The following NEBL variants were observed in gnomAD, a reference collection of about 807,000 sequenced individuals.
NEBL encodes LIM and SH3 protein 2.
In NEBL, 122 loss-of-function variants were observed where a neutral mutation model predicts 140.2. The ratio of observed to expected loss-of-function variants is 0.87; its 90% CI spans 0.75 to 1.01. NEBL has a LOEUF of 1.01. NEBL is among the 50% of genes least tolerant of loss of function. The pLI, the probability that NEBL is intolerant of heterozygous loss-of-function variation, is 0.00. For missense variants in NEBL, 1,365 were observed against 1,231.3 expected (o/e 1.11, Z -1.62); for synonymous variants, 436 against 398.9 (o/e 1.09, Z -1.11).
At chr10:21,246,501 G>C (rs1003426568) in intron 3 of NEBL, among the ~76,000 whole-genome samples, 1 of 151,510 alleles carries the variant, frequency 6.6e-6, no homozygotes, top group African/African-American at 2.4e-5. Flanking sequence ...TTTTTAATTG[G>C]GCCAGGCACA....
At chr10:21,057,673 C>T (rs557670394) in intron 2 of NEBL, among the ~76,000 whole-genome samples, 7 of 151,360 alleles carry the variant, frequency 4.6e-5, no homozygotes, top group African/African-American at 1.7e-4. Flanking sequence ...CCTCAGCTTC[C>T]TGAACAGCTG....
chr10:21,284,964 T>C (rs1344172683), intron 1 of NEBL, among the ~76,000 whole-genome samples: 1 of 152,162 alleles, frequency 6.6e-6, no homozygotes, highest in Non-Finnish European at 1.5e-5. Flanking sequence ...CTTGGAAGAC[T>C]GAGGCAGGAG....
intron 3 of NEBL, among the ~76,000 whole-genome samples, chr10:21,230,938 A>G (rs72798582): frequency 0.04 from 6,136 of 152,220 alleles, 192 homozygotes; most frequent in South Asian, 0.14. Flanking sequence ...AGGAACCCCC[A>G]TGCCAGTCCA....
At position 21,173,664 on chromosome 10, in the gene NEBL, C is replaced by T; in HGVS notation, c.69+101G>A. The T allele has an allele frequency of 6.3e-7, 1 of 1,580,262 alleles. No homozygotes were observed. The highest frequency in any genetic ancestry group is 8.6e-7 in the Non-Finnish European group (1 of 1,161,672). On this transcript the variant is annotated intron_variant, in intron 1 of 6. Coordinates refer to the NEBL transcript ENST00000417816. This position sits in a 1 kb window ranked among gnomAD's most constrained non-coding sequence, Gnocchi z 5.7. Reference sequence around the variant, plus strand: ...CGTGCCAAGGCACACGCACACGCACCGACCCACTCATTGCTTTCCATCCCA... The same window carrying T: ...CGTGCCAAGGCACACGCACACGCACTGACCCACTCATTGCTTTCCATCCCA...
At chr10:20,998,159 T>C (rs1306608530) in intron 3 of NEBL, among the ~76,000 whole-genome samples, 2 of 152,140 alleles carry the variant, frequency 1.3e-5, no homozygotes, top group Non-Finnish European at 2.9e-5. Context: ...AATGTCATAA[T>C]AATGACAATG....
intron 2 of NEBL, among the ~76,000 whole-genome samples, chr10:21,139,762 G>T (rs886835443): frequency 2.6e-5 from 4 of 152,124 alleles, no homozygotes; most frequent in African/African-American, 9.7e-5. Flanking sequence ...GGAAGGTACG[G>T]AATTAAATAT....
intron 3 of NEBL, among the ~76,000 whole-genome samples, chr10:21,221,479 C>G (rs78901836): frequency 0.052 from 7,909 of 151,500 alleles, 348 homozygotes; most frequent in African/African-American, 0.12. Context: ...ACCTATTCTA[C>G]AAGAAAAACA....
At chr10:21,109,100 G>A (rs1213773831) in intron 2 of NEBL, among the ~76,000 whole-genome samples, 1 of 152,098 alleles carries the variant, frequency 6.6e-6, no homozygotes, top group Non-Finnish European at 1.5e-5. Context: ...AATGCTTCCA[G>A]CTTTTGCCCA....
chr10:20,859,424 T>C (rs1843429552), intron 8 of NEBL, among the ~76,000 whole-genome samples: 1 of 152,094 alleles, frequency 6.6e-6, no homozygotes, highest in Admixed American at 6.5e-5. Flanking sequence ...CTAATTTGTG[T>C]TAATACAGAC....
At chr10:21,247,887 AAAG>A in intron 3 of NEBL, 1 of 229,148 alleles carries the variant, frequency 4.4e-6, no homozygotes, top group African/African-American at 2.3e-5. Context: ...AAACGCTGAA[AAAG>A]AATAAAAGAA....
At chr10:20,976,710 G>T (rs1366768431) in intron 3 of NEBL, among the ~76,000 whole-genome samples, 1 of 152,000 alleles carries the variant, frequency 6.6e-6, no homozygotes, top group African/African-American at 2.4e-5. Context: ...ATAAATAGGA[G>T]CTAAACATTG....
At chr10:20,795,343 T>C (rs558466708) in intron 26 of NEBL, among the ~76,000 whole-genome samples, 4 of 152,180 alleles carry the variant, frequency 2.6e-5, no homozygotes, top group Non-Finnish European at 2.9e-5. Flanking sequence ...TGTGTGTATA[T>C]GTGTGGTAAA....
In NEBL at chr10:21,115,581, C is replaced by T. The variant is rs75275670; in HGVS notation, c.164+56802G>A. ...TTAAAGGTGCTGCTCCATTGTCTTC[C>T]GACTTGCATTGTTTCCAACAAGGAG... On this transcript the variant is annotated intron_variant, in intron 2 of 6. Coordinates refer to the NEBL transcript ENST00000417816. 3.6e-3 allele frequency among the ~76,000 whole-genome samples: 542 copies of T among 151,898 alleles called. 1 individual carries two copies. Among genetic ancestry groups the T allele is most frequent in the East Asian group, 9.3e-3 (48 of 5,164 alleles).
intron 1 of NEBL, among the ~76,000 whole-genome samples, chr10:21,253,779 G>C (rs562949912): frequency 1.3e-5 from 2 of 152,124 alleles, no homozygotes; most frequent in East Asian, 3.9e-4. Context: ...CCTGACCTCA[G>C]ATGATCTGTC....
At chr10:21,150,972 G>A in intron 2 of NEBL, among the ~76,000 whole-genome samples, 1 of 152,120 alleles carries the variant, frequency 6.6e-6, no homozygotes, top group East Asian at 1.9e-4. Context: ...GCCAAGCCAA[G>A]GAAAATTAAT....
chr10:21,226,913 C>T (rs1350787), intron 3 of NEBL, among the ~76,000 whole-genome samples: 5,938 of 152,148 alleles, frequency 0.039, 186 homozygotes, highest in South Asian at 0.14. Context: ...ATGGAAAGGA[C>T]CATCACTGGA....
chr10:20,884,921 A>C lies in NEBL; in HGVS notation c.369+3176T>G, dbSNP rs1436724508. 2.0e-5 allele frequency among the ~76,000 whole-genome samples: 3 copies of C among 152,250 alleles called. No individual in the cohort carries two copies. In the East Asian group the frequency reaches 5.8e-4, roughly 29 times the overall value. On this transcript the variant is annotated intron_variant, in intron 4 of 27. Coordinates refer to ENST00000377122, the MANE Select transcript of NEBL (RefSeq NM_006393.3). ...AATTGTTAACAGGGGATAGCTAATA[A>C]AATGGCCTCCTAAAAACTCTACATC...
chr10:21,028,438 A>C (rs1833632497), intron 2 of NEBL, among the ~76,000 whole-genome samples: 1 of 152,104 alleles, frequency 6.6e-6, no homozygotes, highest in Admixed American at 6.6e-5. Flanking sequence ...CAAGCAAATA[A>C]AATGTAAATG....
chr10:21,207,056 C>T (rs957640569), intron 3 of NEBL, among the ~76,000 whole-genome samples: 1 of 148,790 alleles, frequency 6.7e-6, no homozygotes, highest in African/African-American at 2.5e-5. Flanking sequence ...TTACTGCAAC[C>T]TCTGCCTCCC....
Sources: gnomAD v4.1 joint callset for allele counts (sites outside exome capture counted in the v4.1 genomes callset) on GRCh38, gnomAD v4.1.1 for gene constraint, Gnocchi (gnomAD v3.1) non-coding constraint, MANE v1.5 for transcripts, NCBI Gene and HGNC (gene_info 2026-07-23, HGNC 2026-07-21) for gene names.